Variants in ZMYM2 observed in about 807,000 individuals in gnomAD.
The protein encoded by ZMYM2 is zinc finger MYM-type protein 2.
ZMYM2 carries 56 observed loss-of-function variants against 162.8 expected under a neutral mutation model. That is an observed-to-expected ratio of 0.34 (90% CI 0.28 to 0.43). The LOEUF is 0.43. ZMYM2 is among the 20% of genes least tolerant of loss of function. The probability of loss-of-function intolerance (pLI) is 1.00; values close to 1 mark genes in which losing one functional copy is unlikely to be tolerated. For synonymous variants in ZMYM2, 510 were observed against 541.6 expected (o/e 0.94, Z 0.81); for missense variants, 1,275 against 1,621.8 (o/e 0.79, Z 3.67).
intron 6 of ZMYM2, among the ~76,000 whole-genome samples, chr13:20,007,865 C>T (rs771046262): frequency 2.6e-5 from 4 of 152,014 alleles, no homozygotes; most frequent in Non-Finnish European, 2.9e-5. Context: ...AAGTGGTCTC[C>T]GTGCCTCGGC....
chr13:20,021,860 G>A (rs1277552104), intron 7 of ZMYM2, among the ~76,000 whole-genome samples: 1 of 152,142 alleles, frequency 6.6e-6, no homozygotes, highest in Non-Finnish European at 1.5e-5. Flanking sequence ...GCCAAAATAC[G>A]TCGGTAGATG....
chr13:19,935,429 G>A, the ZMYM2 span, among the ~76,000 whole-genome samples: 3 of 150,596 alleles, frequency 2.0e-5, no homozygotes, highest in East Asian at 1.9e-4. Context: ...GAGCCACCAC[G>A]CACAGCTGGT....
the ZMYM2 span, among the ~76,000 whole-genome samples, chr13:19,898,143 T>A: frequency 2.0e-5 from 3 of 152,092 alleles, no homozygotes; most frequent in East Asian, 5.8e-4. Flanking sequence ...TCATACAAAG[T>A]ATTTTTTTCC....
At chr13:20,046,565 AT>A (rs1333370189) in intron 12 of ZMYM2, among the ~76,000 whole-genome samples, 1,792 of 8,832 alleles carry the variant, frequency 0.2, 39 homozygotes, top group Admixed American at 0.28. Flanking sequence ...AAAAAAAAAA[AT>A]ATATATATAT....
chr13:19,974,257 G>A (rs1168962905), intron 2 of ZMYM2, among the ~76,000 whole-genome samples: 1 of 152,188 alleles, frequency 6.6e-6, no homozygotes, highest in African/African-American at 2.4e-5. Flanking sequence ...GAGATACTGT[G>A]TGTGGTGCGT....
intron 12 of ZMYM2, among the ~76,000 whole-genome samples, chr13:20,050,509 AAAAT>A (rs1489640958): frequency 2.3e-5 from 1 of 43,592 alleles, no homozygotes; most frequent in Non-Finnish European, 9.3e-5. Flanking sequence ...GTAATTGAAA[AAAAT>A]AATAATAGTT....
the ZMYM2 span, among the ~76,000 whole-genome samples, chr13:19,885,883 A>G: frequency 2.8e-5 from 3 of 108,582 alleles, no homozygotes; most frequent in African/African-American, 7.5e-5. Context: ...GTATATACAC[A>G]TATATATGTG....
chr13:19,975,288 C>T (rs1956685897), intron 2 of ZMYM2, among the ~76,000 whole-genome samples: 1 of 151,966 alleles, frequency 6.6e-6, no homozygotes, highest in Admixed American at 6.6e-5. Flanking sequence ...TCAACATTAT[C>T]CATTGCCAGA....
intron 2 of ZMYM2, among the ~76,000 whole-genome samples, chr13:19,992,718 C>A (rs1594230178): frequency 6.6e-6 from 1 of 150,838 alleles, no homozygotes; most frequent in East Asian, 1.9e-4. Context: ...AGGATTTATC[C>A]ATATTTTTAG....
At chr13:20,055,640 G>A (rs1389318962) in intron 14 of ZMYM2, among the ~76,000 whole-genome samples, 1 of 152,134 alleles carries the variant, frequency 6.6e-6, no homozygotes, top group Non-Finnish European at 1.5e-5. Context: ...CTTGGTGTAA[G>A]TTCAGTATTA....
At chr13:19,985,779 G>A (rs1949083807) in intron 2 of ZMYM2, among the ~76,000 whole-genome samples, 2 of 151,950 alleles carry the variant, frequency 1.3e-5, no homozygotes, top group South Asian at 4.2e-4. Context: ...GGGAGGCTGA[G>A]GCACAAGAAT....
At chr13:19,931,171 T>C in the ZMYM2 span, among the ~76,000 whole-genome samples, 2 of 150,966 alleles carry the variant, frequency 1.3e-5, no homozygotes, top group Non-Finnish European at 2.9e-5. Context: ...ATAATAATAA[T>C]TTAAACAAGG....
At chr13:19,962,444 T>A (rs528376586) in intron 2 of ZMYM2, among the ~76,000 whole-genome samples, 8 of 148,418 alleles carry the variant, frequency 5.4e-5, no homozygotes, top group Non-Finnish European at 7.4e-5. Context: ...TTAATATATA[T>A]CATAATAAAT....
chr13:20,013,986 G>A (rs960273433), intron 6 of ZMYM2, among the ~76,000 whole-genome samples: 41 of 152,122 alleles, frequency 2.7e-4, no homozygotes, highest in Admixed American at 2.4e-3. Flanking sequence ...TTTTGGAAGC[G>A]TGGGAATTGG....
the ZMYM2 span, among the ~76,000 whole-genome samples, chr13:19,903,081 A>G: frequency 0.81 from 122,828 of 152,044 alleles, 50,712 homozygotes; most frequent in East Asian, 0.96. Context: ...GATTGAACCC[A>G]GGAGGTGGAG....
In ZMYM2 at chr13:19,979,928, C is replaced by T. The variant is rs566266079; in HGVS notation, c.-10-13135C>T. On this transcript the variant is annotated intron_variant, in intron 2 of 24. Transcript: ENST00000610343. ...GGTTGCTTGGGTGGAAGTACTTATA[C>T]CTAGAACTTCTTGCCACACCATTTC... Among the ~76,000 whole-genome samples, 134 of 152,302 alleles carry T rather than the reference C, an allele frequency of 8.8e-4. 1 individual carries two copies. The highest frequency in any genetic ancestry group is 3.4e-3 in the Middle Eastern group (1 of 294).
chr13:20,014,264 G>T (rs775287368), intron 6 of ZMYM2, among the ~76,000 whole-genome samples: 1 of 152,198 alleles, frequency 6.6e-6, no homozygotes, highest in Middle Eastern at 3.4e-3. Context: ...AGTAGAGATG[G>T]GGTTTCACCA....
chr13:20,063,296 G>A lies in ZMYM2; in HGVS notation c.3037+325G>A, dbSNP rs141130800. Among the ~76,000 whole-genome samples the A allele has an allele frequency of 7.7e-3, 1,159 of 151,192 alleles. 18 individuals are homozygous for A. Among genetic ancestry groups the A allele is most frequent in the African/African-American group, 0.026 (1,087 of 41,136 alleles). ...TGCATGCCTGTAATCCCAGCTACTC[G>A]GGAGGCTGAGGCAGGAGGATTGCTT... is the stretch of plus-strand genomic sequence containing the variant. On this transcript the variant is annotated intron_variant, in intron 18 of 24. Transcript: ENST00000610343.
chr13:20,042,233 T>C (rs1954321980), intron 12 of ZMYM2, among the ~76,000 whole-genome samples: 1 of 152,232 alleles, frequency 6.6e-6, no homozygotes, highest in Admixed American at 6.5e-5. Context: ...TAATGCCATA[T>C]TTCCTGGAGG....
Sources: gnomAD v4.1 joint callset for allele counts (sites outside exome capture counted in the v4.1 genomes callset) on GRCh38, gnomAD v4.1.1 for gene constraint, MANE v1.5 for transcripts, NCBI Gene and HGNC (gene_info 2026-07-23, HGNC 2026-07-21) for gene names.